Variants in CCDC121 observed in about 807,000 individuals in gnomAD.
CCDC121 encodes coiled-coil domain containing 121.
For synonymous variants in CCDC121, 108 were observed against 120.0 expected (o/e 0.90, Z 0.65); for missense variants, 238 against 304.1 (o/e 0.78, Z 1.62).
In CCDC121 at chr2:27,627,534, G is replaced by A. The variant is rs1299824588; in HGVS notation, c.266C>T (p.Ala89Val). Reference protein sequence around the residue: ...YAEQISVLKTALLQKENIQSS... With the variant: ...YAEQISVLKTVLLQKENIQSS... ...TTGGATATTTTCCTTTTGCAAGAGC[G>A]CTGTTTTAAGCACTGAAATTTGTTC... Residue 89 changes from alanine to valine, a missense_variant, in exon 2 of 2, where the codon GCG (alanine) becomes GTG (valine). By Grantham distance (64) the Ala-to-Val change is moderately conservative. Coordinates refer to ENST00000324364, the MANE Select transcript of CCDC121 (RefSeq NM_024584.5). The A allele has an allele frequency of 1.1e-5, 18 of 1,614,094 alleles. No homozygotes were observed. Among genetic ancestry groups the A allele is most frequent in the Non-Finnish European group, 1.4e-5 (17 of 1,180,040 alleles).
chr2:27,628,612 G>A, intron 1 of CCDC121: 1 of 1,551,564 alleles, frequency 6.4e-7, no homozygotes, highest in South Asian at 1.2e-5. Context: ...AGTCCCGGCT[G>A]GTCCAGCCCT....
In CCDC121 at chr2:27,626,564, A is replaced by G. The variant is rs1425915787; in HGVS notation, c.*399T>C. 1 of 157,560 alleles carries G rather than the reference A, an allele frequency of 6.3e-6. No homozygotes were observed. The highest frequency in any genetic ancestry group is 1.4e-5 in the Non-Finnish European group (1 of 71,764). The allele number at this position is 157,560 out of a possible 1,614,324, so 9.8% of individuals were successfully genotyped here. The stretch of plus-strand genomic sequence containing the variant: ...AGGATAAACTGGCAGAACGCTATTC[A>G]AAGTCTATTTGGAATGCTATCCTTA... On this transcript the variant is annotated 3_prime_UTR_variant, in exon 2 of 2. Coordinates refer to ENST00000324364, the MANE Select transcript of CCDC121 (RefSeq NM_024584.5).
At position 27,629,011 on chromosome 2, in the gene CCDC121, C is replaced by T. The variant is rs1355697369; in HGVS notation, c.-180G>A. On this transcript the variant is annotated 5_prime_UTR_variant, in exon 1 of 2. Transcript: ENST00000324364. ...AGCCCAGAACATTGCGGAAGTTTCTCTACCCATGCGGTGTCTCTATGGTCG... is the reference window on the plus strand; with the variant it reads ...AGCCCAGAACATTGCGGAAGTTTCTTTACCCATGCGGTGTCTCTATGGTCG... 1.2e-6 allele frequency: 2 copies of T among 1,611,658 alleles called. No homozygotes were observed. The highest frequency in any genetic ancestry group is 8.5e-7 in the Non-Finnish European group (1 of 1,178,858).
In CCDC121 at chr2:27,627,098, C is replaced by G; in HGVS notation, c.702G>C (p.Gln234His). 6.2e-7 allele frequency: 1 copy of G among 1,614,200 alleles called. No individual in the cohort carries two copies. The highest frequency in any genetic ancestry group is 1.1e-5 in the South Asian group (1 of 91,080). ...CCTGGATTAAGGACTCCAGATACCA[C>G]TGTTCCTGCTGCAGCTGCTGCTTCC... ...ENRKQQLQQE[Q>H]WYLESLIQAR... The change falls in exon 2 of 2, where the codon CAG becomes CAC. Residue 234 changes from glutamine (Q) to histidine (H), a missense_variant. Gln to His is a conservative substitution (Grantham distance 24). Transcript: ENST00000324364.
At chr2:27,628,802 G>A in intron 1 of CCDC121, 148 bp downstream of exon 1, 2 of 1,504,448 alleles carry the variant, frequency 1.3e-6, no homozygotes, top group Non-Finnish European at 1.8e-6. Context: ...AGCCCTCCCA[G>A]GCTGCAGAGA....
rs1009201696 is a variant in CCDC121 at position 27,628,038 on chromosome 2, C to T, written c.-118-121G>A. ...GCACCAGAATGTTCCAGACATTATGCAAGGTGTGGGGAATCCAGCTAGTGG... is the reference window on the plus strand; with the variant it reads ...GCACCAGAATGTTCCAGACATTATGTAAGGTGTGGGGAATCCAGCTAGTGG... On this transcript the variant is annotated intron_variant, in intron 1 of 1. Transcript: ENST00000324364. 172 of 743,654 alleles carry T rather than the reference C, an allele frequency of 2.3e-4. No individual in the cohort carries two copies. In the Middle Eastern group the frequency reaches 4.1e-3, roughly 18 times the overall value. 46.1% of individuals were successfully genotyped at this position (743,654 alleles called of 1,614,324 possible).
rs781477656 is a variant in CCDC121, at chr2:27,627,382, G to A, written c.418C>T (p.Arg140Trp). Reference protein sequence around the residue: ...KVQAETASKTREVQAQLLQEK... With the variant: ...KVQAETASKTWEVQAQLLQEK... ...TGGAGGAGCTGGGCCTGTACTTCCC[G>A]TGTCTTTGAAGCTGTCTCAGCTTGG... Residue 140 changes from arginine (R) to tryptophan (W), a missense_variant, in exon 2 of 2, where the codon CGG (arginine) becomes TGG (tryptophan). Transcript: ENST00000324364. The A allele has an allele frequency of 2.5e-6, 4 of 1,614,078 alleles. No homozygotes were observed. In the South Asian group the frequency reaches 3.3e-5, roughly 13 times the overall value.
intron 1 of CCDC121, chr2:27,628,301 A>G (rs1673367233): frequency 1.6e-6 from 2 of 1,254,248 alleles, no homozygotes; most frequent in East Asian, 5.0e-5. Context: ...AGGAGTAGAA[A>G]TAATTTTCTA....
In CCDC121 at chr2:27,628,864, C is replaced by T; in HGVS notation, c.-119+86G>A. ...AGCCTTCCTCTCGCTTGCTCAGCGC[C>T]CCCACTTCCTCGCCACTGTCACTAG... On this transcript the variant is annotated intron_variant, in intron 1 of 1. Transcript: ENST00000324364. 6 of 1,465,140 alleles carry T rather than the reference C, an allele frequency of 4.1e-6. 1 individual carries two copies. The highest frequency in any genetic ancestry group is 2.9e-5 in the South Asian group (2 of 69,710). 90.8% of individuals were successfully genotyped at this position (1,465,140 alleles called of 1,614,324 possible).
At chr2:27,628,559 G>T in intron 1 of CCDC121, 2 of 1,551,540 alleles carry the variant, frequency 1.3e-6, no homozygotes, top group Non-Finnish European at 1.7e-6. Flanking sequence ...TGCTCAAAGG[G>T]TCTCGGTGCT....
At position 27,626,933 on chromosome 2, in the gene CCDC121, GTT is replaced by G. The variant is rs777216924; in HGVS notation, c.*28_*29del. The G allele has an allele frequency of 1.5e-5, 22 of 1,493,422 alleles. No individual in the cohort carries two copies. The African/African-American group carries it at 3.1e-4, about 21-fold the overall frequency. 92.5% of individuals were successfully genotyped at this position (1,493,422 alleles called of 1,614,324 possible). On this transcript the variant is annotated 3_prime_UTR_variant, in exon 2 of 2. Coordinates refer to ENST00000324364, the MANE Select transcript of CCDC121 (RefSeq NM_024584.5). ...GTAGCACTTAAGAGTACTTGCTCCA[GTT>G]CTTATTTAATCAGTGTTATTTTAGA...
At chr2:27,628,900 A>G in intron 1 of CCDC121, 50 bp downstream of exon 1, 1 of 1,475,554 alleles carries the variant, frequency 6.8e-7, no homozygotes, top group Non-Finnish European at 9.0e-7. Flanking sequence ...TTGACTCATC[A>G]GCCCTGCCCG....
At position 27,626,947 on chromosome 2, in the gene CCDC121, A is replaced by T; in HGVS notation, c.*16T>A. The T allele has an allele frequency of 6.5e-7, 1 of 1,542,546 alleles. No homozygotes were observed. The highest frequency in any genetic ancestry group is 8.8e-7 in the Non-Finnish European group (1 of 1,129,946). ...TACTTGCTCCAGTTCTTATTTAATC[A>T]GTGTTATTTTAGAAGTTACTTTGGA... On this transcript the variant is annotated 3_prime_UTR_variant, in exon 2 of 2. Coordinates refer to ENST00000324364, the MANE Select transcript of CCDC121 (RefSeq NM_024584.5).
At position 27,627,850 on chromosome 2, in the gene CCDC121, C is replaced by T; in HGVS notation, c.-51G>A. On this transcript the variant is annotated 5_prime_UTR_variant, in exon 2 of 2. Transcript: ENST00000324364. ...CTTGTCTCTACCTTTGTTAGCTTCT[C>T]TGGCTTGACAAAATTATTTATTAGA... is the stretch of plus-strand genomic sequence containing the variant. 1 of 1,614,180 alleles carries T rather than the reference C, an allele frequency of 6.2e-7. No individual in the cohort carries two copies. The highest frequency in any genetic ancestry group is 1.1e-5 in the South Asian group (1 of 91,076).
At position 27,627,570 on chromosome 2, in the gene CCDC121, G is replaced by T. The variant is rs377043875; in HGVS notation, c.230C>A (p.Ser77Tyr). Reference protein sequence around the residue: ...EIERRRQESASRYAEQISVLK... With the variant: ...EIERRRQESAYRYAEQISVLK... ...CACTGAAATTTGTTCTGCATATCTG[G>T]AGGCTGATTCTTGTCTTCTTCGTTC... Residue 77 changes from serine to tyrosine, a missense_variant, in exon 2 of 2, where the codon TCC becomes TAC. By Grantham distance (144) the Ser-to-Tyr change is moderately radical. Transcript: ENST00000324364. 25 of 1,614,004 alleles carry T rather than the reference G, an allele frequency of 1.5e-5. No homozygotes were observed. The African/African-American group carries it at 3.3e-4, about 22-fold the overall frequency.
intron 1 of CCDC121, chr2:27,628,439 G>C (rs1673376459): frequency 4.5e-6 from 7 of 1,551,478 alleles, no homozygotes; most frequent in Non-Finnish European, 6.1e-6. Flanking sequence ...CAACTGTGTA[G>C]TTCACTGAGG....
At chr2:27,628,466 G>A (rs1286441253) in intron 1 of CCDC121, 3 of 1,551,510 alleles carry the variant, frequency 1.9e-6, no homozygotes, top group African/African-American at 1.4e-5. Context: ...GCCAAGGAAT[G>A]AGCGCTAGCA....
At position 27,626,777 on chromosome 2, in the gene CCDC121, T is replaced by G. The variant is rs570897493; in HGVS notation, c.*186A>C. 1 of 517,404 alleles carries G rather than the reference T, an allele frequency of 1.9e-6. No homozygotes were observed. The highest frequency in any genetic ancestry group is 3.4e-5 in the Admixed American group (1 of 29,222). The allele number at this position is 517,404 out of a possible 1,614,324, so 32.1% of individuals were successfully genotyped here. A position where few individuals can be genotyped will look rare whatever the true frequency, so the allele number is the denominator to read the frequency against. The stretch of plus-strand genomic sequence containing the variant: ...ACGAGTATTTAAAGAAAAAGCTAGT[T>G]AAGGGAAGCTGGTTACCAAATATCT... On this transcript the variant is annotated 3_prime_UTR_variant, in exon 2 of 2. Coordinates refer to ENST00000324364, the MANE Select transcript of CCDC121 (RefSeq NM_024584.5).
rs1424291144 is a variant in CCDC121 at position 27,627,179 on chromosome 2, C to T, written c.621G>A (p.Leu207=). The stretch of plus-strand genomic sequence containing the variant: ...GTTTCTGGGCTTGCTCAATTAGCTG[C>T]AGTAATTCCTTCTTGAACTGCTGGT... ...RENQQFKKEL[L]QLIEQAQKLT... is the part of the protein sequence containing the mutation. The change falls in exon 2 of 2, where the codon CTG becomes CTA. Residue 207 remains leucine, a synonymous_variant. Coordinates refer to ENST00000324364, the MANE Select transcript of CCDC121 (RefSeq NM_024584.5). 1.2e-6 allele frequency: 2 copies of T among 1,613,838 alleles called. No homozygotes were observed. Among genetic ancestry groups the T allele is most frequent in the African/African-American group, 1.3e-5 (1 of 74,894 alleles).
Sources: allele counts gnomAD v4.1 joint callset, GRCh38; gene constraint gnomAD v4.1.1; transcripts MANE v1.5; gene names NCBI Gene and HGNC (gene_info 2026-07-23, HGNC 2026-07-21).